IL1R2: variants seen among roughly 807,000 people sequenced by gnomAD.
IL1R2 encodes interleukin-1 receptor type 2.
In IL1R2, 46 loss-of-function variants were observed where a neutral mutation model predicts 39.5. The ratio of observed to expected loss-of-function variants is 1.16; its 90% CI spans 0.92 to 1.49. The LOEUF is 1.49. IL1R2 is among the 40% of genes most tolerant of loss of function. The pLI is 0.00. For synonymous variants in IL1R2, 207 were observed against 189.6 expected, an observed-to-expected ratio of 1.09 and a Z score of -0.75; for missense variants, 537 against 502.0, an observed-to-expected ratio of 1.07 and a Z score of -0.67.
chr2:102,000,154 C>T (rs1481813641), intron 1 of IL1R2, among the ~76,000 whole-genome samples: 3 of 152,222 alleles, frequency 2.0e-5, no homozygotes, highest in Non-Finnish European at 4.4e-5. Context: ...CCTTATCTCC[C>T]TGAGTACCGG....
chr2:101,993,901 T>C (rs1361357713), intron 1 of IL1R2, among the ~76,000 whole-genome samples: 3 of 152,146 alleles, frequency 2.0e-5, no homozygotes, highest in Admixed American at 2.0e-4. Flanking sequence ...CAGCGCCGCA[T>C]GGCTGCAGTG....
At chr2:102,008,069 C>T (rs1025145417) in intron 1 of IL1R2, among the ~76,000 whole-genome samples, 1 of 152,096 alleles carries the variant, frequency 6.6e-6, no homozygotes, top group Non-Finnish European at 1.5e-5. Flanking sequence ...ATGAATGCCA[C>T]AGAGAATGAC....
intron 3 of IL1R2, among the ~76,000 whole-genome samples, chr2:102,012,879 T>TCTTA (rs1159591655): frequency 1.3e-5 from 2 of 152,210 alleles, no homozygotes; most frequent in Non-Finnish European, 2.9e-5. Flanking sequence ...AAGATGGGAA[T>TCTTA]CTTAGCTCTC....
At chr2:102,012,478 G>T (rs1158129015) in intron 3 of IL1R2, among the ~76,000 whole-genome samples, 1 of 152,146 alleles carries the variant, frequency 6.6e-6, no homozygotes, top group African/African-American at 2.4e-5. Flanking sequence ...TCCTAGGCTG[G>T]GTGTGTGTGT....
intron 1 of IL1R2, among the ~76,000 whole-genome samples, chr2:102,004,534 T>C (rs1332360906): frequency 1.3e-5 from 2 of 151,898 alleles, no homozygotes; most frequent in African/African-American, 4.8e-5. Context: ...CTCAAATACT[T>C]GGAAGGAGCT....
chr2:102,012,528 G>A (rs1399061910), intron 3 of IL1R2, among the ~76,000 whole-genome samples: 1 of 150,220 alleles, frequency 6.7e-6, no homozygotes, highest in East Asian at 2.0e-4. Context: ...ATGAGGTAGA[G>A]GGTGCCCTCT....
intron 5 of IL1R2, among the ~76,000 whole-genome samples, chr2:102,020,158 C>T (rs937750082): frequency 2.0e-5 from 3 of 152,134 alleles, no homozygotes; most frequent in African/African-American, 4.8e-5. Flanking sequence ...TAGAGGTCAC[C>T]ACATGCTGTA....
intron 3 of IL1R2, among the ~76,000 whole-genome samples, chr2:102,011,149 G>A (rs1484056694): frequency 6.6e-6 from 1 of 152,304 alleles, no homozygotes; most frequent in Admixed American, 6.5e-5. Context: ...TCCATCCAGG[G>A]ACACTTGACT....
chr2:102,002,770 A>ATCTATG lies in IL1R2; in HGVS notation c.-61-5740_-61-5739insGTCTAT, dbSNP rs1432806595. ...TGTCTATATCTATATCTATATCTAT[A>ATCTATG]TCTATATCTATATCTATATCTGTAT... On this transcript the variant is annotated intron_variant, in intron 1 of 8. Coordinates refer to ENST00000332549, the MANE Select transcript of IL1R2 (RefSeq NM_004633.4). 4.0e-5 allele frequency among the ~76,000 whole-genome samples: 6 copies of ATCTATG among 150,900 alleles called. No homozygotes were observed. In the East Asian group the frequency reaches 1.2e-3, roughly 30 times the overall value.
Position 102,024,637 on chromosome 2 carries a change from C to A in IL1R2, c.856C>A (p.Pro286Thr), listed in dbSNP as rs56075526. The change falls in exon 7 of 9, where the codon CCG becomes ACG. Residue 286 changes from proline (P) to threonine (T), a missense_variant. Coordinates refer to ENST00000332549, the MANE Select transcript of IL1R2 (RefSeq NM_004633.4). ...TGACACCCACATAGAGAGCGCCTACCCGGGAGGCCGCGTGACCGAGGGGCC... is the reference window on the plus strand; with the variant it reads ...TGACACCCACATAGAGAGCGCCTACACGGGAGGCCGCGTGACCGAGGGGCC... Reference protein sequence around the residue: ...ANDTHIESAYPGGRVTEGPRQ... With the variant: ...ANDTHIESAYTGGRVTEGPRQ... 6.7e-5 allele frequency: 108 copies of A among 1,613,990 alleles called. 3 individuals are homozygous for A. The highest frequency in any genetic ancestry group is 1.6e-4 in the Middle Eastern group (1 of 6,084).
rs546425150 is a variant in IL1R2, at chr2:102,015,749, C to T, written c.333-122C>T. The T allele has an allele frequency of 7.1e-5, 54 of 757,842 alleles. 1 individual carries two copies. The South Asian group carries it at 9.6e-4, about 13-fold the overall frequency. The allele number at this position is 757,842 out of a possible 1,614,324, so 46.9% of individuals were successfully genotyped here. A position where few individuals can be genotyped will look rare whatever the true frequency, so the allele number is the denominator to read the frequency against. Reference sequence around the variant, plus strand: ...GAACCATCTTATGTCGGGAAACCATCTGTACTAATCCAGAAAATGCAGATG... The same window carrying T: ...GAACCATCTTATGTCGGGAAACCATTTGTACTAATCCAGAAAATGCAGATG... On this transcript the variant is annotated intron_variant, in intron 3 of 8. Transcript: ENST00000332549.
Position 102,024,610 on chromosome 2 carries a change from A to G in IL1R2, c.829A>G (p.Asn277Asp). 1 of 1,614,076 alleles carries G rather than the reference A, an allele frequency of 6.2e-7. No homozygotes were observed. Among genetic ancestry groups the G allele is most frequent in the Non-Finnish European group, 8.5e-7 (1 of 1,180,000 alleles). Reference protein sequence around the residue: ...PLTTMLWWTANDTHIESAYPG... With the variant: ...PLTTMLWWTADDTHIESAYPG... ...AACCACCATGCTGTGGTGGACGGCC[A>G]ATGACACCCACATAGAGAGCGCCTA... The change falls in exon 7 of 9, where the codon AAT becomes GAT. Residue 277 changes from asparagine to aspartate, a missense_variant. Transcript: ENST00000332549.
At chr2:102,018,801 A>G (rs555072869) in intron 4 of IL1R2, among the ~76,000 whole-genome samples, 3 of 152,250 alleles carry the variant, frequency 2.0e-5, no homozygotes, top group African/African-American at 4.8e-5. Flanking sequence ...GCTGGGCTCT[A>G]TTTGGCATTT....
intron 3 of IL1R2, among the ~76,000 whole-genome samples, chr2:102,015,431 G>T (rs3218898): frequency 6.6e-6 from 1 of 152,108 alleles, no homozygotes; most frequent in African/African-American, 2.4e-5. Flanking sequence ...GATGTTCCTC[G>T]ACTTACAATG....
chr2:102,003,219 T>C (rs1448307276), intron 1 of IL1R2, among the ~76,000 whole-genome samples: 1 of 152,030 alleles, frequency 6.6e-6, no homozygotes, highest in Non-Finnish European at 1.5e-5. Context: ...TATATCTGTG[T>C]CTGTGTCTGG....
chr2:102,015,942 T>C lies in IL1R2; in HGVS notation c.404T>C (p.Phe135Ser), dbSNP rs1676969834. 6.2e-7 allele frequency: 1 copy of C among 1,614,028 alleles called. No homozygotes were observed. The highest frequency in any genetic ancestry group is 2.2e-5 in the East Asian group (1 of 44,878). Residue 135 changes from phenylalanine (F) to serine (S), a missense_variant, in exon 4 of 9, where the codon TTC becomes TCC. By Grantham distance (155) the Phe-to-Ser change is radical. Coordinates refer to ENST00000332549, the MANE Select transcript of IL1R2 (RefSeq NM_004633.4). The stretch of plus-strand genomic sequence containing the variant: ...GAGAATACAGATGCTTTCCTGCCGT[T>C]CATCTCATACCCGCAAATTTTAACC... ...VFENTDAFLP[F>S]ISYPQILTLS...
At chr2:102,000,126 T>C (rs1341304505) in intron 1 of IL1R2, among the ~76,000 whole-genome samples, 1 of 152,256 alleles carries the variant, frequency 6.6e-6, no homozygotes, top group Non-Finnish European at 1.5e-5. Flanking sequence ...GTCTTCCAAC[T>C]GTGTCCTTGA....
chr2:102,004,267 T>C (rs17026386), intron 1 of IL1R2, among the ~76,000 whole-genome samples: 18,310 of 152,156 alleles, frequency 0.12, 1,311 homozygotes, highest in East Asian at 0.32. Context: ...GACCAGAAGC[T>C]GCAGACACCT....
At position 102,004,337 on chromosome 2, in the gene IL1R2, A is replaced by C. The variant is rs141950571; in HGVS notation, c.-61-4178A>C. Among the ~76,000 whole-genome samples the C allele has an allele frequency of 1.4e-3, 27 of 19,670 alleles. No homozygotes were observed. In the East Asian group the frequency reaches 0.04, roughly 29 times the overall value. 12.9% of individuals were successfully genotyped at this position (19,670 alleles called of 152,430 possible). On this transcript the variant is annotated intron_variant, in intron 1 of 8. Transcript: ENST00000332549. ...CAGTGCGTGCTCTACCACCTGTCCA[A>C]CTCAGGGCTGTGCATCAGCTCTTTC...
Sources: allele counts gnomAD v4.1 joint callset (sites outside exome capture counted in the v4.1 genomes callset), GRCh38; gene constraint gnomAD v4.1.1; transcripts MANE v1.5; gene names NCBI Gene and HGNC (gene_info 2026-07-23, HGNC 2026-07-21).